The following JAZF1 variants were observed in gnomAD, a reference collection of about 807,000 sequenced individuals.
The protein encoded by JAZF1 is JAZF zinc finger 1, also known as juxtaposed with another zinc finger protein 1.
Under a neutral mutation model 26.4 loss-of-function variants are expected in JAZF1, and 8 were observed. That is an observed-to-expected ratio of 0.30 (90% CI 0.18 to 0.55). The LOEUF is 0.55. Among genes scored for constraint, JAZF1 ranks in the 20% least tolerant of loss-of-function variants. The pLI, the probability that JAZF1 is intolerant of heterozygous loss-of-function variation, is 0.94. For missense variants in JAZF1, 199 were observed against 322.0 expected, an observed-to-expected ratio of 0.62 and a Z score of 2.92; for synonymous variants, 126 against 122.3, an observed-to-expected ratio of 1.03 and a Z score of -0.20.
intron 1 of JAZF1, among the ~76,000 whole-genome samples, chr7:28,075,630 T>C (rs1175744072): frequency 2.0e-5 from 3 of 152,198 alleles, no homozygotes; most frequent in African/African-American, 7.2e-5. Flanking sequence ...TGACTTACTT[T>C]ACTTAACAAC....
intron 1 of JAZF1, among the ~76,000 whole-genome samples, chr7:28,144,513 C>T (rs757175454): frequency 7.9e-5 from 12 of 152,228 alleles, no homozygotes; most frequent in African/African-American, 1.2e-4. Context: ...GCCCTGCCTG[C>T]CAATCAGCAG....
intron 1 of JAZF1, among the ~76,000 whole-genome samples, chr7:28,133,255 G>T (rs1239612449): frequency 2.6e-5 from 4 of 152,172 alleles, no homozygotes; most frequent in Non-Finnish European, 5.9e-5. Flanking sequence ...GCTACCATCA[G>T]CTGCCCTGAA....
At chr7:27,964,182 G>GT (rs1785234006) in intron 2 of JAZF1, among the ~76,000 whole-genome samples, 1 of 152,088 alleles carries the variant, frequency 6.6e-6, no homozygotes, top group South Asian at 2.1e-4. Flanking sequence ...AAATAGCATT[G>GT]TAACATCTGT....
At chr7:28,029,292 A>G (rs932714059) in intron 1 of JAZF1, among the ~76,000 whole-genome samples, 4 of 152,236 alleles carry the variant, frequency 2.6e-5, no homozygotes, top group African/African-American at 9.6e-5. Flanking sequence ...TAGTCAGAAA[A>G]CTTAGGCAGA....
At chr7:28,103,081 T>C (rs1015552731) in intron 1 of JAZF1, among the ~76,000 whole-genome samples, 1 of 152,076 alleles carries the variant, frequency 6.6e-6, no homozygotes, top group East Asian at 1.9e-4. Context: ...GGATGACCAG[T>C]CCCTTCTCCT....
intron 2 of JAZF1, among the ~76,000 whole-genome samples, chr7:27,973,738 G>A (rs1452698814): frequency 6.6e-6 from 1 of 152,256 alleles, no homozygotes; most frequent in East Asian, 1.9e-4. Context: ...AAGAAGTGGA[G>A]AGAAGAAGGA....
chr7:27,850,842 T>C (rs1353792832), intron 3 of JAZF1, among the ~76,000 whole-genome samples: 1 of 151,988 alleles, frequency 6.6e-6, no homozygotes, highest in Non-Finnish European at 1.5e-5. Context: ...TTAAGAACTA[T>C]TTGTACTTGG....
intron 1 of JAZF1, among the ~76,000 whole-genome samples, chr7:27,999,330 T>A (rs770532196): frequency 7.2e-5 from 11 of 152,144 alleles, no homozygotes; most frequent in Non-Finnish European, 1.5e-4. Context: ...CCAAGCAGCA[T>A]GCAACACAAA....
chr7:28,154,124 T>C (rs1224129833), intron 1 of JAZF1, among the ~76,000 whole-genome samples: 2 of 152,174 alleles, frequency 1.3e-5, no homozygotes, highest in Non-Finnish European at 2.9e-5. Context: ...CTGTCCTCCT[T>C]GACTGACCCC....
At chr7:27,860,387 A>C (rs953670008) in intron 3 of JAZF1, among the ~76,000 whole-genome samples, 1 of 152,200 alleles carries the variant, frequency 6.6e-6, no homozygotes, top group Non-Finnish European at 1.5e-5. Flanking sequence ...TCAATGTTGC[A>C]CTATGATGAC....
chr7:27,957,105 A>G (rs1785108619), intron 2 of JAZF1, among the ~76,000 whole-genome samples: 1 of 152,098 alleles, frequency 6.6e-6, no homozygotes, highest in Non-Finnish European at 1.5e-5. Flanking sequence ...GCCTATTTGG[A>G]CCTGACATAG....
At chr7:28,132,374 T>C (rs1186756357) in intron 1 of JAZF1, among the ~76,000 whole-genome samples, 1 of 152,180 alleles carries the variant, frequency 6.6e-6, no homozygotes, top group African/African-American at 2.4e-5. Context: ...AAAGACTGTT[T>C]TACTTAGAAG....
intron 3 of JAZF1, among the ~76,000 whole-genome samples, chr7:27,845,711 A>AAAAAAAAAAAAAAAAAAAAAAAAG (rs1554328474): frequency 5.8e-5 from 8 of 137,670 alleles, no homozygotes; most frequent in South Asian, 2.3e-4. Context: ...AAAAAAAAAA[A>AAAAAAAAAAAAAAAAAAAAAAAAG]AAAGAAAAGA....
chr7:27,889,932 CAAA>C (rs5883106), intron 3 of JAZF1, among the ~76,000 whole-genome samples: 73 of 145,070 alleles, frequency 5.0e-4, no homozygotes, highest in East Asian at 1.4e-3. Flanking sequence ...GACTTTCTCT[CAAA>C]AAAAAAAAAA....
intron 2 of JAZF1, among the ~76,000 whole-genome samples, chr7:27,957,532 C>A (rs914063999): frequency 3.3e-5 from 5 of 152,132 alleles, no homozygotes; most frequent in African/African-American, 1.2e-4. Flanking sequence ...AAAACAAACT[C>A]AAAAGTACAT....
At chr7:27,879,848 A>G (rs1783740092) in intron 3 of JAZF1, among the ~76,000 whole-genome samples, 2 of 152,242 alleles carry the variant, frequency 1.3e-5, no homozygotes, top group Admixed American at 6.5e-5. Context: ...TACAGACAAG[A>G]ACCTGCGAAC....
intron 1 of JAZF1, among the ~76,000 whole-genome samples, chr7:28,114,975 C>T (rs1784719400): frequency 6.6e-6 from 1 of 152,006 alleles, no homozygotes; most frequent in Non-Finnish European, 1.5e-5. Flanking sequence ...AGAGAAGCAG[C>T]GTTTGTATGT....
intron 1 of JAZF1, among the ~76,000 whole-genome samples, chr7:28,148,502 T>C (rs1281335249): frequency 6.6e-6 from 1 of 152,322 alleles, no homozygotes; most frequent in African/African-American, 2.4e-5. Flanking sequence ...TATTTGCTAT[T>C]GTAAATAGAC....
intron 2 of JAZF1, among the ~76,000 whole-genome samples, chr7:27,921,212 T>TGGAAAACTCAAGGAAACTCAA (rs1239107075): frequency 1.3e-5 from 2 of 152,220 alleles, no homozygotes; most frequent in African/African-American, 4.8e-5. Context: ...TCATGGTTGG[T>TGGAAAACTCAAGGAAACTCAA]GGAAAACTCA....
Sources: gnomAD v4.1 joint callset for allele counts (sites outside exome capture counted in the v4.1 genomes callset) on GRCh38, gnomAD v4.1.1 for gene constraint, MANE v1.5 for transcripts, NCBI Gene and HGNC (gene_info 2026-07-23, HGNC 2026-07-21) for gene names.